The following IMPG1 variants were observed in gnomAD, a reference collection of about 807,000 sequenced individuals.
The protein encoded by IMPG1 is interphotoreceptor matrix proteoglycan of 150 kDa.
In IMPG1, 85 loss-of-function variants were observed where a neutral mutation model predicts 92.0. That is an observed-to-expected ratio of 0.92 (90% confidence interval 0.78 to 1.11). The LOEUF (loss-of-function observed/expected upper bound fraction) is 1.11. Among genes scored for constraint, IMPG1 ranks in the 50% least tolerant of loss-of-function variants. The probability of loss-of-function intolerance (pLI) is 0.00; values close to 1 mark genes in which losing one functional copy is unlikely to be tolerated. For missense variants in IMPG1, 1,022 were observed against 956.0 expected (o/e 1.07, Z -0.91); for synonymous variants, 367 against 334.1 (o/e 1.10, Z -1.08).
chr6:75,990,437 G>A (rs992099017), intron 12 of IMPG1, among the ~76,000 whole-genome samples: 2 of 152,028 alleles, frequency 1.3e-5, no homozygotes, highest in African/African-American at 2.4e-5. Context: ...TGAGATTGAT[G>A]GGACCTATTT....
intron 2 of IMPG1, among the ~76,000 whole-genome samples, chr6:76,039,373 T>G (rs1291110635): frequency 3.9e-5 from 5 of 127,516 alleles, no homozygotes; most frequent in African/African-American, 1.4e-4. Flanking sequence ...TTTTTTTTTT[T>G]GGGACGGAGT....
At chr6:76,061,848 C>T (rs1478066130) in intron 1 of IMPG1, among the ~76,000 whole-genome samples, 2 of 152,124 alleles carry the variant, frequency 1.3e-5, no homozygotes, top group African/African-American at 2.4e-5. Context: ...AAGAAAGGAG[C>T]CTTGGTGTCT....
At chr6:76,060,890 AT>A (rs1784194254) in intron 1 of IMPG1, among the ~76,000 whole-genome samples, 1 of 152,196 alleles carries the variant, frequency 6.6e-6, no homozygotes, top group Non-Finnish European at 1.5e-5. Flanking sequence ...TGTATTCTCA[AT>A]TAAAATATAA....
At chr6:75,970,572 C>T (rs532192166) in intron 12 of IMPG1, among the ~76,000 whole-genome samples, 3 of 152,156 alleles carry the variant, frequency 2.0e-5, no homozygotes, top group East Asian at 1.9e-4. Flanking sequence ...ATAATCAGCC[C>T]TTATATGAGG....
intron 12 of IMPG1, among the ~76,000 whole-genome samples, chr6:75,990,134 C>A (rs1475322689): frequency 1.3e-5 from 2 of 152,162 alleles, no homozygotes; most frequent in East Asian, 3.9e-4. Flanking sequence ...TCATCCCTAT[C>A]AATGAAGTAT....
In IMPG1 at chr6:75,947,386, C is replaced by T. The variant is rs1375852371; in HGVS notation, c.1972G>A (p.Glu658Lys). ...NLTKAVHGVL[E>K]DFRSAAAQQL... ...TGGGCTGCAGCAGAACGAAAATCCTCCAAGACCCCGTGCACAGCCTTGGTG... is the reference window on the plus strand; with the variant it reads ...TGGGCTGCAGCAGAACGAAAATCCTTCAAGACCCCGTGCACAGCCTTGGTG... Residue 658 changes from glutamate to lysine, a missense_variant, in exon 14 of 17, where the codon GAG becomes AAG. Physicochemically the swap from Glu to Lys is moderately conservative, Grantham distance 56. This residue lies in a region of IMPG1 where 332 missense variants were observed against 346.2 expected (regional missense o/e 0.96). Transcript: ENST00000369950. 5.0e-6 allele frequency: 8 copies of T among 1,613,860 alleles called. No homozygotes were observed. The highest frequency in any genetic ancestry group is 6.8e-6 in the Non-Finnish European group (8 of 1,179,920).
At chr6:75,977,399 C>T (rs750026385) in intron 12 of IMPG1, among the ~76,000 whole-genome samples, 7 of 151,942 alleles carry the variant, frequency 4.6e-5, no homozygotes, top group Non-Finnish European at 7.4e-5. Flanking sequence ...ACCAGCCTGA[C>T]TGATATGGAG....
At chr6:75,942,688 A>G (rs1043268476) in intron 14 of IMPG1, among the ~76,000 whole-genome samples, 33 of 152,214 alleles carry the variant, frequency 2.2e-4, no homozygotes, top group African/African-American at 7.7e-4. Flanking sequence ...CTTACACGCA[A>G]ATATCCCACC....
At chr6:75,980,744 C>T (rs759989963) in intron 12 of IMPG1, among the ~76,000 whole-genome samples, 3 of 152,208 alleles carry the variant, frequency 2.0e-5, no homozygotes, top group Non-Finnish European at 4.4e-5. Context: ...TTTTGGAACT[C>T]GGGCTGTCTT....
chr6:75,948,767 T>C (rs1781974771), intron 13 of IMPG1, among the ~76,000 whole-genome samples: 1 of 152,126 alleles, frequency 6.6e-6, no homozygotes, highest in Non-Finnish European at 1.5e-5. Context: ...AGAAAGCACA[T>C]TTTCCAGCCT....
At chr6:75,934,585 A>G (rs1051207493) in intron 14 of IMPG1, among the ~76,000 whole-genome samples, 6 of 152,190 alleles carry the variant, frequency 3.9e-5, no homozygotes, top group African/African-American at 1.4e-4. Context: ...AGTTAAAAAG[A>G]TCATGGTCCT....
intron 12 of IMPG1, among the ~76,000 whole-genome samples, chr6:75,987,897 T>C (rs1782745320): frequency 6.6e-6 from 1 of 152,142 alleles, no homozygotes; most frequent in African/African-American, 2.4e-5. Context: ...TCCACCCACC[T>C]CGGCCTCCCA....
chr6:76,047,966 T>C (rs930779013), intron 1 of IMPG1, among the ~76,000 whole-genome samples: 3 of 152,210 alleles, frequency 2.0e-5, no homozygotes, highest in African/African-American at 7.2e-5. Flanking sequence ...ATGGTTTATA[T>C]ATAAAGTATA....
At chr6:76,061,127 A>T (rs1784198051) in intron 1 of IMPG1, among the ~76,000 whole-genome samples, 1 of 152,188 alleles carries the variant, frequency 6.6e-6, no homozygotes, top group African/African-American at 2.4e-5. Context: ...ATTAGCTCTC[A>T]CATGCAATAG....
Position 75,951,091 on chromosome 6 carries a change from G to A in IMPG1, c.1295C>T (p.Thr432Ile), listed in dbSNP as rs760658197. The change falls in exon 13 of 17, where the codon ACT (threonine) becomes ATT (isoleucine). Residue 432 changes from threonine to isoleucine, a missense_variant. By Grantham distance (89) the Thr-to-Ile change is moderately conservative (BLOSUM62 -1). This residue lies in a region of IMPG1 where 681 missense variants were observed against 583.6 expected (regional missense o/e 1.17). Coordinates refer to ENST00000369950, the MANE Select transcript of IMPG1 (RefSeq NM_001563.4). ...GGCCATAGCAGGTGGAGACCAAGAA[G>A]TGTCTGTGGAGGAAGTACAATTTCA... ...VDGAEHGLPD[T>I]SWSPPAMAST... 3 of 1,600,304 alleles carry A rather than the reference G, an allele frequency of 1.9e-6. No individual in the cohort carries two copies. Among genetic ancestry groups the A allele is most frequent in the South Asian group, 2.2e-5 (2 of 89,128 alleles).
chr6:76,026,336 T>G (rs541974720), intron 4 of IMPG1, among the ~76,000 whole-genome samples: 6 of 152,104 alleles, frequency 3.9e-5, no homozygotes, highest in Admixed American at 3.9e-4. Flanking sequence ...AAGTGGTGAG[T>G]GAAATGGGGA....
intron 4 of IMPG1, among the ~76,000 whole-genome samples, chr6:76,031,026 C>G (rs976044069): frequency 6.6e-6 from 1 of 152,104 alleles, no homozygotes; most frequent in African/African-American, 2.4e-5. Context: ...CCCTGCTTCC[C>G]CCTTTTCTTC....
chr6:75,950,533 A>T lies in IMPG1; in HGVS notation c.1824+29T>A. ...ACAACAAAGAAAGAAGAGACAAAGA[A>T]TTGGGAATTGTGAGCAGTGCCCACT... On this transcript the variant is annotated intron_variant, in intron 13 of 16. Transcript: ENST00000369950. The T allele has an allele frequency of 3.9e-6, 6 of 1,533,164 alleles. No individual in the cohort carries two copies. In the Middle Eastern group the frequency reaches 1.1e-3, roughly 280 times the overall value. The allele number at this position is 1,533,164 out of a possible 1,614,324, so 95.0% of individuals were successfully genotyped here. A position where few individuals can be genotyped will look rare whatever the true frequency, so the allele number is the denominator to read the frequency against.
chr6:75,966,853 C>A lies in IMPG1; in HGVS notation c.1292-15759G>T, dbSNP rs12663376. Among the ~76,000 whole-genome samples, 751 of 152,232 alleles carry A rather than the reference C, an allele frequency of 4.9e-3. 24 individuals are homozygous for A. In the East Asian group the frequency reaches 0.072, roughly 15 times the overall value. ...AGTGAATTAGGAAAAGTCCTCAAAC[C>A]TATGACAGGAGAAAAATTTTTCTGA... On this transcript the variant is annotated intron_variant, in intron 12 of 16. Transcript: ENST00000369950.
Sources: gnomAD v4.1 joint callset for allele counts (sites outside exome capture counted in the v4.1 genomes callset) on GRCh38, gnomAD v4.1.1 for gene constraint, gnomAD v4.1.1 regional missense constraint, MANE v1.5 for transcripts, NCBI Gene and HGNC (gene_info 2026-07-23, HGNC 2026-07-21) for gene names.